The following TRPS1 variants were observed in gnomAD, a reference collection of about 807,000 sequenced individuals.
The protein encoded by TRPS1 is transcriptional repressor GATA binding 1.
TRPS1 carries 6 observed loss-of-function variants against 101.2 expected under a neutral mutation model. The ratio of observed to expected loss-of-function variants is 0.06; its 90% confidence interval spans 0.03 to 0.12. The LOEUF (loss-of-function observed/expected upper bound fraction) is 0.12, where lower values mean the gene tolerates loss of function less well. Among genes scored for constraint, TRPS1 ranks in the 10% least tolerant of loss-of-function variants. TRPS1 has a pLI of 1.00. For synonymous variants in TRPS1, 578 were observed against 589.8 expected (o/e 0.98, Z 0.29); for missense variants, 1,363 against 1,567.0 (o/e 0.87, Z 2.20).
At chr8:115,459,063 C>T (rs980929626) in intron 5 of TRPS1, among the ~76,000 whole-genome samples, 2 of 152,060 alleles carry the variant, frequency 1.3e-5, no homozygotes, top group African/African-American at 2.4e-5. Context: ...CTTAGCCAGG[C>T]GTGGTGGCTC....
At chr8:115,628,189 C>G (rs1818552307) in intron 1 of TRPS1, among the ~76,000 whole-genome samples, 1 of 151,738 alleles carries the variant, frequency 6.6e-6, no homozygotes, top group Non-Finnish European at 1.5e-5. Context: ...AGGCTCACTC[C>G]TACTCTACCA....
chr8:115,426,264 C>G (rs914768544), intron 5 of TRPS1, among the ~76,000 whole-genome samples: 2 of 152,040 alleles, frequency 1.3e-5, no homozygotes, highest in African/African-American at 4.8e-5. Context: ...TGTGACAGCA[C>G]AAGAGTTGAT....
At chr8:115,561,868 A>G (rs1165424052) in intron 5 of TRPS1, among the ~76,000 whole-genome samples, 1 of 152,122 alleles carries the variant, frequency 6.6e-6, no homozygotes. Flanking sequence ...AGTAAAAACA[A>G]AAACCTAGGA....
chr8:115,667,936 T>G (rs1194475998), intron 1 of TRPS1: 1 of 1,529,842 alleles, frequency 6.5e-7, no homozygotes, highest in Non-Finnish European at 8.7e-7. Context: ...AAACTTGCAG[T>G]GGCGGCGGCG....
intron 5 of TRPS1, among the ~76,000 whole-genome samples, chr8:115,470,394 T>A (rs1052864878): frequency 2.0e-5 from 3 of 152,192 alleles, no homozygotes. Flanking sequence ...TTGGTGCATG[T>A]TTTTACATAT....
chr8:115,560,340 G>A (rs959668021), intron 5 of TRPS1, among the ~76,000 whole-genome samples: 6 of 152,078 alleles, frequency 3.9e-5, no homozygotes, highest in Non-Finnish European at 7.4e-5. Flanking sequence ...CATTAATGAG[G>A]CAGAGAAATC....
chr8:115,431,495 C>A (rs962020502), intron 5 of TRPS1, among the ~76,000 whole-genome samples: 1 of 151,984 alleles, frequency 6.6e-6, no homozygotes, highest in Non-Finnish European at 1.5e-5. Flanking sequence ...TTCCTATTCT[C>A]TCCTTTTGAC....
At chr8:115,517,832 A>C (rs1321606186) in intron 5 of TRPS1, among the ~76,000 whole-genome samples, 1 of 151,750 alleles carries the variant, frequency 6.6e-6, no homozygotes, top group East Asian at 1.9e-4. Flanking sequence ...CATGACAAAG[A>C]ATGGCCTTGA....
At chr8:115,435,166 T>C (rs1272361296) in intron 5 of TRPS1, among the ~76,000 whole-genome samples, 5 of 152,212 alleles carry the variant, frequency 3.3e-5, no homozygotes, top group Non-Finnish European at 7.3e-5. Context: ...AAATAGTTAT[T>C]ATATTCTCCA....
chr8:115,508,795 A>T (rs968681448), intron 5 of TRPS1, among the ~76,000 whole-genome samples: 1 of 151,926 alleles, frequency 6.6e-6, no homozygotes, highest in Non-Finnish European at 1.5e-5. Context: ...TTTGCTCACT[A>T]CTGCAAAACT....
chr8:115,626,167 G>A (rs1167880620), intron 1 of TRPS1, among the ~76,000 whole-genome samples: 1 of 151,408 alleles, frequency 6.6e-6, no homozygotes, highest in African/African-American at 2.4e-5. Context: ...AATTAAGCAA[G>A]TGATAGCAAA....
At chr8:115,470,857 T>C (rs1440106294) in intron 5 of TRPS1, among the ~76,000 whole-genome samples, 1 of 152,226 alleles carries the variant, frequency 6.6e-6, no homozygotes, top group Admixed American at 6.5e-5. Flanking sequence ...GCATTTAAGA[T>C]GATTTTAGAG....
chr8:115,625,637 A>C (rs530299787), intron 1 of TRPS1, among the ~76,000 whole-genome samples: 1 of 151,958 alleles, frequency 6.6e-6, no homozygotes, highest in African/African-American at 2.4e-5. Flanking sequence ...TTTAAGAAAG[A>C]AAGATATGCT....
chr8:115,661,214 G>C (rs562350886), intron 1 of TRPS1, among the ~76,000 whole-genome samples: 1 of 151,970 alleles, frequency 6.6e-6, no homozygotes, highest in Non-Finnish European at 1.5e-5. Context: ...GCAGATATAA[G>C]TATTATGATA....
At chr8:115,453,824 A>G (rs117836663) in intron 5 of TRPS1, among the ~76,000 whole-genome samples, 1,561 of 152,352 alleles carry the variant, frequency 0.01, 21 homozygotes, top group Middle Eastern at 0.051. Context: ...GTTGACACAG[A>G]TAAAATTTTG....
At chr8:115,546,032 A>T (rs1816562043) in intron 5 of TRPS1, among the ~76,000 whole-genome samples, 1 of 152,078 alleles carries the variant, frequency 6.6e-6, no homozygotes, top group South Asian at 2.1e-4. Context: ...ATCATCCCTC[A>T]CCTAAAGAAA....
intron 5 of TRPS1, among the ~76,000 whole-genome samples, chr8:115,562,847 C>T (rs993762927): frequency 4.7e-5 from 7 of 148,940 alleles, no homozygotes; most frequent in Admixed American, 2.0e-4. Flanking sequence ...CATGAAAGAA[C>T]GCATGCCTAC....
At chr8:115,462,641 CTT>C (rs773440841) in intron 5 of TRPS1, among the ~76,000 whole-genome samples, 670 of 62,890 alleles carry the variant, frequency 0.011, 4 homozygotes, top group African/African-American at 0.036. Flanking sequence ...CTCTCTCTCT[CTT>C]TTTTTTTTTT....
At chr8:115,487,850 G>C (rs1261062225) in intron 5 of TRPS1, among the ~76,000 whole-genome samples, 1 of 151,742 alleles carries the variant, frequency 6.6e-6, no homozygotes, top group Non-Finnish European at 1.5e-5. Flanking sequence ...GAATGTTGTT[G>C]AAATGAACAA....
Sources: allele counts gnomAD v4.1 joint callset (sites outside exome capture counted in the v4.1 genomes callset), GRCh38; gene constraint gnomAD v4.1.1; transcripts MANE v1.5; gene names NCBI Gene and HGNC (gene_info 2026-07-23, HGNC 2026-07-21).